MEIS2: variants seen among roughly 807,000 people sequenced by gnomAD.
MEIS2 encodes Meis homeobox 2.
A neutral mutation model predicts 58.6 loss-of-function variants in MEIS2; 9 were observed. The observed-to-expected ratio is 0.15, with a 90% CI of 0.09 to 0.27. The LOEUF is 0.27. Ranked by LOEUF, MEIS2 falls within the 10% of genes least tolerant of loss-of-function variation. The probability of loss-of-function intolerance (pLI) is 1.00; values close to 1 mark genes in which losing one functional copy is unlikely to be tolerated. For missense variants in MEIS2, 427 were observed against 635.0 expected, an observed-to-expected ratio of 0.67 and a Z score of 3.52; for synonymous variants, 221 against 228.4, an observed-to-expected ratio of 0.97 and a Z score of 0.29.
chr15:37,083,861 C>T lies in MEIS2; in HGVS notation c.664G>A (p.Asp222Asn), dbSNP rs753490361. 4.3e-6 allele frequency: 7 copies of T among 1,613,914 alleles called. No homozygotes were observed. Among genetic ancestry groups the T allele is most frequent in the Admixed American group, 1.7e-5 (1 of 59,984 alleles). ...DHNPSSWRDH[D>N]DATSTHSAGT... Reference sequence around the variant, plus strand: ...GCTGAGTGGGTTGAGGTTGCATCATCGTGGTCTCGCCAAGAAGAAGGGTTC... The same window carrying T: ...GCTGAGTGGGTTGAGGTTGCATCATTGTGGTCTCGCCAAGAAGAAGGGTTC... The change falls in exon 7 of 12, where the codon GAT (aspartate) becomes AAT (asparagine). Residue 222 changes from aspartate to asparagine, a missense_variant. Around this residue, in one of 6 missense-constraint regions of MEIS2, gnomAD observed 138 missense variants for 263.0 expected, o/e 0.52. Transcript: ENST00000561208.
intron 8 of MEIS2, among the ~76,000 whole-genome samples, chr15:37,001,557 G>T (rs2060728380): frequency 6.6e-6 from 1 of 152,060 alleles, no homozygotes; most frequent in Non-Finnish European, 1.5e-5. Flanking sequence ...CACTTAGATT[G>T]CCAGAATATG....
chr15:36,922,290 C>T (rs569448906), intron 9 of MEIS2, among the ~76,000 whole-genome samples: 1 of 152,244 alleles, frequency 6.6e-6, no homozygotes, highest in South Asian at 2.1e-4. Context: ...GTTCACTTCA[C>T]AGAGCTGATG....
intron 7 of MEIS2, among the ~76,000 whole-genome samples, chr15:37,054,538 C>T (rs925294496): frequency 1.3e-5 from 2 of 152,130 alleles, no homozygotes; most frequent in Admixed American, 1.3e-4. Flanking sequence ...CACCTCAGCC[C>T]CCTGAATAGC....
chr15:36,996,886 A>C (rs7180534), intron 8 of MEIS2, among the ~76,000 whole-genome samples: 127,463 of 152,142 alleles, frequency 0.84, 54,140 homozygotes, highest in Non-Finnish European at 0.91. Context: ...CATATTACAT[A>C]CTTGCATTCA....
chr15:36,894,825 T>A, intron 11 of MEIS2: 1 of 1,597,538 alleles, frequency 6.3e-7, no homozygotes, highest in Non-Finnish European at 8.6e-7. Context: ...AGAAAGGAGA[T>A]AAAATCCAAG....
At chr15:36,952,085 G>A (rs548208020) in intron 8 of MEIS2, among the ~76,000 whole-genome samples, 64 of 152,172 alleles carry the variant, frequency 4.2e-4, no homozygotes, top group African/African-American at 1.4e-3. Context: ...ACTCTGATTC[G>A]TCCAAACAAT....
Position 36,895,256 on chromosome 15 carries a change from G to A in MEIS2, c.1042C>T (p.Leu348Phe). The stretch of plus-strand genomic sequence containing the variant: ...CCTTGGCTCACTGAAGGATCAAGAA[G>A]AAAACCTGATTGTGGTCATTCGAGG... ...MIDQSNRAGF[L>F]LDPSVSQGAA... Residue 348 changes from leucine to phenylalanine, a missense_variant, in exon 11 of 12, where the codon CTT (leucine) becomes TTT (phenylalanine). Around this residue, in one of 6 missense-constraint regions of MEIS2, gnomAD observed 19 missense variants for 37.3 expected, o/e 0.51. Transcript: ENST00000561208. The A allele has an allele frequency of 6.2e-7, 1 of 1,613,860 alleles. No homozygotes were observed. The highest frequency in any genetic ancestry group is 8.5e-7 in the Non-Finnish European group (1 of 1,179,896).
intron 7 of MEIS2, among the ~76,000 whole-genome samples, chr15:37,062,271 C>A (rs1047544711): frequency 1.3e-5 from 2 of 152,172 alleles, no homozygotes; most frequent in Non-Finnish European, 2.9e-5. Context: ...AGCCTAGGAA[C>A]AGCAGGGGCC....
chr15:36,967,562 A>G (rs1037246714), intron 8 of MEIS2, among the ~76,000 whole-genome samples: 1 of 152,168 alleles, frequency 6.6e-6, no homozygotes, highest in Non-Finnish European at 1.5e-5. Flanking sequence ...TCATTCATAC[A>G]CTTCCCAAAA....
intron 9 of MEIS2, among the ~76,000 whole-genome samples, chr15:36,937,619 G>C (rs1194741875): frequency 6.6e-6 from 1 of 152,190 alleles, no homozygotes; most frequent in Non-Finnish European, 1.5e-5. Context: ...AATGGTCACT[G>C]TTGAAGCAAA....
At chr15:37,091,630 T>C (rs1893532911) in intron 6 of MEIS2, among the ~76,000 whole-genome samples, 1 of 152,182 alleles carries the variant, frequency 6.6e-6, no homozygotes, top group Non-Finnish European at 1.5e-5. Context: ...ACTTCCTTCT[T>C]GAGTGGATAT....
At chr15:36,896,226 G>T (rs1290329243) in intron 10 of MEIS2, among the ~76,000 whole-genome samples, 1 of 152,168 alleles carries the variant, frequency 6.6e-6, no homozygotes, top group African/African-American at 2.4e-5. Context: ...CAAATGAATG[G>T]ATACAATAAG....
intron 7 of MEIS2, among the ~76,000 whole-genome samples, chr15:37,052,307 C>T (rs1254108592): frequency 6.6e-6 from 1 of 152,210 alleles, no homozygotes; most frequent in Non-Finnish European, 1.5e-5. Context: ...CCAGTTTCAG[C>T]AGGCTGTATC....
chr15:37,019,222 G>A (rs2061444371), intron 8 of MEIS2, among the ~76,000 whole-genome samples: 2 of 152,118 alleles, frequency 1.3e-5, no homozygotes, highest in African/African-American at 4.8e-5. Context: ...AACAGCACTA[G>A]TAAGTAGCCT....
intron 9 of MEIS2, among the ~76,000 whole-genome samples, chr15:36,910,180 TG>T (rs1333560919): frequency 6.6e-6 from 1 of 152,118 alleles, no homozygotes; most frequent in Non-Finnish European, 1.5e-5. Context: ...CACTCCAGTC[TG>T]GGCAACAGAG....
At chr15:36,982,766 A>G (rs1206159619) in intron 8 of MEIS2, among the ~76,000 whole-genome samples, 2 of 152,120 alleles carry the variant, frequency 1.3e-5, no homozygotes, top group Non-Finnish European at 2.9e-5. Flanking sequence ...TTACATTCCC[A>G]CCAACATTGT....
In MEIS2 at chr15:36,889,256, A is replaced by G. The variant is rs2055776635; in HGVS notation, c.*2917T>C. 2 of 152,210 alleles carry G rather than the reference A, an allele frequency of 1.3e-5. No homozygotes were observed. Among genetic ancestry groups the G allele is most frequent in the Non-Finnish European group, 2.9e-5 (2 of 68,032 alleles). The allele number at this position is 152,210 out of a possible 1,614,324, so 9.4% of individuals were successfully genotyped here. On this transcript the variant is annotated 3_prime_UTR_variant, in exon 12 of 12. Transcript: ENST00000561208. ...AGACTACAGTATTTCCTTTAACACT[A>G]TATGGTTGTCAAAACACCATTCCCA...
chr15:36,926,791 C>G (rs2057766384), intron 9 of MEIS2, among the ~76,000 whole-genome samples: 1 of 152,226 alleles, frequency 6.6e-6, no homozygotes, highest in Admixed American at 6.5e-5. Flanking sequence ...ATTGGAAAGG[C>G]TGCATTCATT....
At chr15:36,952,863 T>C (rs552440338) in intron 8 of MEIS2, among the ~76,000 whole-genome samples, 1 of 152,236 alleles carries the variant, frequency 6.6e-6, no homozygotes, top group East Asian at 1.9e-4. Context: ...GTGCATTTTA[T>C]CTTGGGAATC....
Sources: gnomAD v4.1 joint callset for allele counts (sites outside exome capture counted in the v4.1 genomes callset) on GRCh38, gnomAD v4.1.1 for gene constraint, gnomAD v4.1.1 regional missense constraint, MANE v1.5 for transcripts, NCBI Gene and HGNC (gene_info 2026-07-23, HGNC 2026-07-21) for gene names.